Variants in DDX4 observed in about 807,000 individuals in gnomAD.
The protein encoded by DDX4 is probable ATP-dependent RNA helicase DDX4.
A neutral mutation model predicts 100.0 loss-of-function variants in DDX4; 25 were observed. The ratio of observed to expected loss-of-function variants is 0.25; its 90% CI spans 0.18 to 0.35. The LOEUF (loss-of-function observed/expected upper bound fraction) is 0.35. Among genes scored for constraint, DDX4 ranks in the 10% least tolerant of loss-of-function variants. The probability of loss-of-function intolerance (pLI) is 1.00; values close to 1 mark genes in which losing one functional copy is unlikely to be tolerated. For missense variants in DDX4, 635 were observed against 882.4 expected (o/e 0.72, Z 3.55); for synonymous variants, 259 against 275.7 (o/e 0.94, Z 0.60).
At chr5:55,753,989 A>G (rs1759752071) in intron 3 of DDX4, among the ~76,000 whole-genome samples, 1 of 100,564 alleles carries the variant, frequency 9.9e-6, no homozygotes, top group Non-Finnish European at 2.0e-5. Flanking sequence ...TTGTTGGTGT[A>G]TAAGAATGCT....
intron 3 of DDX4, among the ~76,000 whole-genome samples, chr5:55,758,535 G>A (rs1451215222): frequency 6.6e-6 from 1 of 152,092 alleles, no homozygotes; most frequent in Admixed American, 6.5e-5. Context: ...TCTTTCTGAT[G>A]CAGAAAATTA....
intron 15 of DDX4, among the ~76,000 whole-genome samples, chr5:55,790,070 T>C (rs185329537): frequency 1.3e-5 from 2 of 149,740 alleles, no homozygotes; most frequent in African/African-American, 4.9e-5. Context: ...AACTTATCCA[T>C]GTAACGAAAT....
At chr5:55,767,982 A>C (rs1383493574) in intron 7 of DDX4, 42 bp downstream of exon 7, 3 of 1,554,004 alleles carry the variant, frequency 1.9e-6, no homozygotes, top group Admixed American at 3.3e-5. Context: ...TAACACAGAG[A>C]CACTAAACTG....
chr5:55,749,071 A>G (rs1198089225), intron 3 of DDX4, among the ~76,000 whole-genome samples: 3 of 152,192 alleles, frequency 2.0e-5, no homozygotes. Context: ...AACAACTGGT[A>G]TTATCTGATT....
chr5:55,755,714 C>CTT (rs529513352), intron 3 of DDX4, among the ~76,000 whole-genome samples: 1 of 145,912 alleles, frequency 6.9e-6, no homozygotes, highest in Non-Finnish European at 1.5e-5. Flanking sequence ...AGGGCAGATT[C>CTT]TTTTTTTTTT....
At chr5:55,779,240 A>G (rs772343194) in intron 7 of DDX4, among the ~76,000 whole-genome samples, 1 of 152,148 alleles carries the variant, frequency 6.6e-6, no homozygotes, top group Non-Finnish European at 1.5e-5. Flanking sequence ...AGAAGATACA[A>G]TTTTTTTGAA....
chr5:55,815,340 G>A lies in DDX4; in HGVS notation c.2014G>A (p.Glu672Lys), dbSNP rs749243733. ...DAQQDVPAWLEEIAFSTYIPG... is the reference protein window; with the variant it reads ...DAQQDVPAWLKEIAFSTYIPG... ...TCAACAGGATGTTCCTGCATGGTTG[G>A]AAGAAATTGCCTTTAGTACATACAT... Residue 672 changes from glutamate to lysine, a missense_variant, in exon 21 of 22, where the codon GAA (glutamate) becomes AAA (lysine). Transcript: ENST00000505374. 6.2e-7 allele frequency: 1 copy of A among 1,613,052 alleles called. No homozygotes were observed.
intron 18 of DDX4, among the ~76,000 whole-genome samples, chr5:55,801,244 AAAC>A (rs1362928242): frequency 6.6e-6 from 1 of 151,474 alleles, no homozygotes; most frequent in Admixed American, 6.6e-5. Flanking sequence ...GCGATTAAAA[AAAC>A]ATTTTTTTAA....
At chr5:55,759,060 AT>A (rs1037501278) in intron 3 of DDX4, among the ~76,000 whole-genome samples, 12 of 148,496 alleles carry the variant, frequency 8.1e-5, no homozygotes, top group African/African-American at 2.2e-4. Flanking sequence ...AGCTACTTAA[AT>A]TTTTTTTTTG....
intron 2 of DDX4, among the ~76,000 whole-genome samples, chr5:55,741,515 C>T (rs745569235): frequency 4.6e-5 from 7 of 152,098 alleles, no homozygotes; most frequent in African/African-American, 7.2e-5. Context: ...TGGCCAGGTG[C>T]GGTGGTTCAT....
At chr5:55,801,053 A>G (rs933249924) in intron 18 of DDX4, among the ~76,000 whole-genome samples, 2 of 152,152 alleles carry the variant, frequency 1.3e-5, no homozygotes, top group Middle Eastern at 3.2e-3. Context: ...AGGAACCAGT[A>G]AGATGTTACA....
Position 55,746,233 on chromosome 5 carries a change from G to A in DDX4, c.127+12G>A. On this transcript the variant is annotated intron_variant, in intron 3 of 21. Coordinates refer to ENST00000505374, the MANE Select transcript of DDX4 (RefSeq NM_024415.3). ...AGCTTCATCATCAGGTATGTGTTAT[G>A]GGAAAAAGGTAAAACCCTTTTTAGT... The A allele has an allele frequency of 6.2e-7, 1 of 1,604,448 alleles. No homozygotes were observed. Among genetic ancestry groups the A allele is most frequent in the South Asian group, 1.1e-5 (1 of 88,476 alleles).
chr5:55,816,686 A>G lies in DDX4; in HGVS notation c.*146A>G, dbSNP rs1580620269. 13 of 1,363,478 alleles carry G rather than the reference A, an allele frequency of 9.5e-6. No individual in the cohort carries two copies. In the East Asian group the frequency reaches 3.1e-4, roughly 32 times the overall value. The allele number at this position is 1,363,478 out of a possible 1,614,324, so 84.5% of individuals were successfully genotyped here. On this transcript the variant is annotated 3_prime_UTR_variant, in exon 22 of 22. Transcript: ENST00000505374. ...TCCTACACTTAAAAAAAAAATCCTT[A>G]CTGACTAGTTATGTGAGATGCTAAA...
chr5:55,786,366 ATT>A (rs1201145750), intron 13 of DDX4, 150 bp from the exon 14 acceptor site: 1 of 558,270 alleles, frequency 1.8e-6, no homozygotes, highest in Non-Finnish European at 3.1e-6. Flanking sequence ...GGCTTTGAAT[ATT>A]TACTTCTGAG....
At chr5:55,794,354 ATTTTTTTT>A (rs1227796139) in intron 17 of DDX4, among the ~76,000 whole-genome samples, 4 of 131,078 alleles carry the variant, frequency 3.1e-5, no homozygotes, top group Admixed American at 7.6e-5. Context: ...CGCCTGGTTA[ATTTTTTTT>A]TTTTTTTTTG....
intron 3 of DDX4, among the ~76,000 whole-genome samples, chr5:55,747,989 G>GA (rs1304818959): frequency 6.6e-6 from 1 of 152,212 alleles, no homozygotes; most frequent in Non-Finnish European, 1.5e-5. Flanking sequence ...CACCCATGGT[G>GA]AGGTAGTTTC....
chr5:55,803,255 A>G (rs1344535063), intron 18 of DDX4, among the ~76,000 whole-genome samples: 2 of 151,734 alleles, frequency 1.3e-5, no homozygotes, highest in Non-Finnish European at 2.9e-5. Context: ...AGCTTCATCC[A>G]TGTCCCTACA....
intron 17 of DDX4, among the ~76,000 whole-genome samples, chr5:55,794,883 G>A (rs550189282): frequency 7.3e-5 from 11 of 151,354 alleles, no homozygotes; most frequent in Non-Finnish European, 1.0e-4. Context: ...TGATATATCC[G>A]TTCCCTTGGC....
At chr5:55,754,721 T>G (rs1373912998) in intron 3 of DDX4, among the ~76,000 whole-genome samples, 7 of 150,730 alleles carry the variant, frequency 4.6e-5, no homozygotes, top group Non-Finnish European at 1.0e-4. Context: ...TCTTTTTCTA[T>G]TGATTGGAAT....
Sources: gnomAD v4.1 joint callset for allele counts (sites outside exome capture counted in the v4.1 genomes callset) on GRCh38, gnomAD v4.1.1 for gene constraint, MANE v1.5 for transcripts, NCBI Gene and HGNC (gene_info 2026-07-23, HGNC 2026-07-21) for gene names.